The following DAB1 variants were observed in gnomAD, a reference collection of about 807,000 sequenced individuals.
DAB1 encodes disabled homolog 1.
Under a neutral mutation model 64.6 loss-of-function variants are expected in DAB1, and 15 were observed. That is an observed-to-expected ratio of 0.23 (90% CI 0.16 to 0.36). The LOEUF is 0.36. Ranked by LOEUF, DAB1 falls within the 10% of genes least tolerant of loss-of-function variation. The probability of loss-of-function intolerance (pLI) is 1.00; values close to 1 mark genes in which losing one functional copy is unlikely to be tolerated. For synonymous variants in DAB1, 235 were observed against 251.9 expected (o/e 0.93, Z 0.64); for missense variants, 596 against 706.7 (o/e 0.84, Z 1.78).
At chr1:58,248,108 AAGAG>A (rs984947736) in intron 4 of DAB1, among the ~76,000 whole-genome samples, 2 of 152,146 alleles carry the variant, frequency 1.3e-5, no homozygotes, top group Admixed American at 6.5e-5. Context: ...AATCTTGTCA[AAGAG>A]AGAGTGCTGA....
At chr1:57,241,169 A>C (rs1028841154) in intron 2 of DAB1, among the ~76,000 whole-genome samples, 1 of 152,184 alleles carries the variant, frequency 6.6e-6, no homozygotes, top group South Asian at 2.1e-4. Context: ...TCAATAAATA[A>C]ATATGTATTA....
chr1:58,203,624 T>C (rs951198468), intron 4 of DAB1, among the ~76,000 whole-genome samples: 4 of 152,218 alleles, frequency 2.6e-5, no homozygotes, highest in African/African-American at 9.6e-5. Flanking sequence ...TCAGAGTTTC[T>C]GATTTAGTAG....
intron 3 of DAB1, among the ~76,000 whole-genome samples, chr1:58,453,581 C>A (rs114827145): frequency 2.6e-5 from 4 of 152,142 alleles, no homozygotes; most frequent in Non-Finnish European, 4.4e-5. Flanking sequence ...TGACCCGAGG[C>A]GTGCTGCAAA....
intron 2 of DAB1, among the ~76,000 whole-genome samples, chr1:58,525,981 G>A (rs867632285): frequency 1.1e-4 from 16 of 152,058 alleles, no homozygotes; most frequent in Admixed American, 7.9e-4. Flanking sequence ...ACAGTGCTGA[G>A]TCTATTAGCT....
intron 2 of DAB1, among the ~76,000 whole-genome samples, chr1:58,522,373 T>C (rs962480800): frequency 6.6e-6 from 1 of 152,134 alleles, no homozygotes; most frequent in Non-Finnish European, 1.5e-5. Flanking sequence ...TATATATACA[T>C]AATTTTTTTA....
intron 1 of DAB1, among the ~76,000 whole-genome samples, chr1:57,298,242 T>C (rs1031478144): frequency 1.3e-5 from 2 of 152,054 alleles, no homozygotes; most frequent in Non-Finnish European, 2.9e-5. Context: ...AATAGGAAAA[T>C]GTAAGGCTTT....
chr1:57,163,456 G>C (rs546279276), intron 2 of DAB1, among the ~76,000 whole-genome samples: 2 of 152,086 alleles, frequency 1.3e-5, no homozygotes, highest in South Asian at 2.1e-4. Flanking sequence ...CAAGGGGAAG[G>C]GGGTTAGAGG....
intron 5 of DAB1, among the ~76,000 whole-genome samples, chr1:57,918,686 T>C (rs1430548023): frequency 6.6e-6 from 1 of 152,134 alleles, no homozygotes; most frequent in Non-Finnish European, 1.5e-5. Context: ...TAGCCGGGCA[T>C]GGTGGCGGGC....
chr1:57,170,407 T>G (rs1163764375), intron 2 of DAB1, among the ~76,000 whole-genome samples: 3 of 152,132 alleles, frequency 2.0e-5, no homozygotes, highest in Admixed American at 1.3e-4. Context: ...TGGCACATAA[T>G]AAGTGTTTAA....
intron 1 of DAB1, among the ~76,000 whole-genome samples, chr1:57,317,830 C>T (rs1675345360): frequency 6.6e-6 from 1 of 151,976 alleles, no homozygotes; most frequent in South Asian, 2.1e-4. Context: ...TTTTTGCCTG[C>T]CTCCCACCCT....
At chr1:57,790,762 C>T (rs904112552) in intron 6 of DAB1, among the ~76,000 whole-genome samples, 1 of 152,122 alleles carries the variant, frequency 6.6e-6, no homozygotes, top group Non-Finnish European at 1.5e-5. Context: ...GGAGATTTTA[C>T]CAGCATGTTG....
chr1:57,583,961 A>T (rs1245947578), intron 7 of DAB1, among the ~76,000 whole-genome samples: 1 of 152,176 alleles, frequency 6.6e-6, no homozygotes. Flanking sequence ...GTTAAAGTGA[A>T]CTAAATATGG....
At chr1:58,337,221 G>T (rs531147854) in intron 4 of DAB1, among the ~76,000 whole-genome samples, 1 of 151,004 alleles carries the variant, frequency 6.6e-6, no homozygotes, top group Non-Finnish European at 1.5e-5. Context: ...GGCAGAGGTT[G>T]CAATGAGCAG....
chr1:57,685,899 A>G (rs1243770035), intron 6 of DAB1, among the ~76,000 whole-genome samples: 4 of 152,226 alleles, frequency 2.6e-5, no homozygotes, highest in African/African-American at 9.6e-5. Flanking sequence ...TCTCTGAGAT[A>G]CAGCTAAAGC....
intron 7 of DAB1, among the ~76,000 whole-genome samples, chr1:57,621,273 T>TGCGTGC (rs1553201072): frequency 2.0e-5 from 3 of 148,834 alleles, no homozygotes. Context: ...TGTGTGTGTG[T>TGCGTGC]GTGTGCGTGT....
chr1:58,308,667 T>G (rs543793677), intron 4 of DAB1, among the ~76,000 whole-genome samples: 2 of 152,306 alleles, frequency 1.3e-5, no homozygotes, highest in East Asian at 3.9e-4. Flanking sequence ...TTGCTATACT[T>G]AGTCCTCAAA....
intron 7 of DAB1, among the ~76,000 whole-genome samples, chr1:57,603,191 G>A (rs902202963): frequency 2.0e-5 from 3 of 152,012 alleles, no homozygotes; most frequent in East Asian, 3.9e-4. Context: ...CAGGCTGGTC[G>A]CGAACTCCCG....
At chr1:58,529,783 T>C (rs1646405182) in intron 1 of DAB1, among the ~76,000 whole-genome samples, 1 of 152,232 alleles carries the variant, frequency 6.6e-6, no homozygotes, top group African/African-American at 2.4e-5. Flanking sequence ...AAAATAACTA[T>C]TTACATAGCA....
intron 3 of DAB1, among the ~76,000 whole-genome samples, chr1:58,401,731 A>T (rs1022868676): frequency 7.9e-5 from 12 of 152,230 alleles, no homozygotes; most frequent in Admixed American, 6.5e-5. Flanking sequence ...TCAGCATATA[A>T]TGGGTATCAC....
Sources: allele counts gnomAD v4.1 joint callset (sites outside exome capture counted in the v4.1 genomes callset), GRCh38; gene constraint gnomAD v4.1.1; transcripts MANE v1.5; gene names NCBI Gene and HGNC (gene_info 2026-07-23, HGNC 2026-07-21).